The following SH3KBP1 variants were observed in gnomAD, a reference collection of about 807,000 sequenced individuals.
SH3KBP1 encodes the protein SH3 domain containing kinase binding protein 1.
A neutral mutation model predicts 50.1 loss-of-function variants in SH3KBP1; 8 were observed. The ratio of observed to expected loss-of-function variants is 0.16; its 90% CI spans 0.09 to 0.29. The LOEUF (loss-of-function observed/expected upper bound fraction) is 0.29. SH3KBP1 is among the 10% of genes least tolerant of loss of function. SH3KBP1 has a pLI of 1.00. For synonymous variants in SH3KBP1, 227 were observed against 218.6 expected (o/e 1.04, Z -0.34); for missense variants, 377 against 535.2 (o/e 0.70, Z 2.92).
intron 1 of SH3KBP1, among the ~76,000 whole-genome samples, chrX:19,864,481 C>CG (rs1161254929): frequency 8.9e-6 from 1 of 111,749 alleles, no homozygotes; most frequent in Non-Finnish European, 1.9e-5. Flanking sequence ...AAAAAGAGAG[C>CG]GGGGGCACAG....
Position 19,706,890 on chromosome X carries a change from C to A in SH3KBP1, c.381G>T (p.Val127=), listed in dbSNP as rs762388170. ...CGGCCAGGTCGCTTACCTCTCCTAC[C>A]ACCTCTATGATGTCGCCAACTTTCA... ...LELKVGDIIE[V]VGEVEEGWWE... The change falls in exon 4 of 18, where the codon GTG becomes GTT. Residue 127 remains valine, a synonymous_variant. Coordinates refer to ENST00000397821, the MANE Select transcript of SH3KBP1 (RefSeq NM_031892.3). 2.5e-6 allele frequency: 3 copies of A among 1,209,286 alleles called. No individual in the cohort carries two copies. The African/African-American group carries it at 5.2e-5, about 21-fold the overall frequency.
intron 12 of SH3KBP1, among the ~76,000 whole-genome samples, chrX:19,584,137 A>AATATATATTTATATATAATATATTT (rs1207986410): frequency 2.8e-4 from 26 of 94,339 alleles, no homozygotes; most frequent in South Asian, 8.4e-4. Context: ...CCATATTAAT[A>AATATATATTTATATATAATATATTT]ATATATATTT....
intron 9 of SH3KBP1, among the ~76,000 whole-genome samples, chrX:19,607,454 C>T (rs745844895): frequency 8.9e-6 from 1 of 112,316 alleles, no homozygotes; most frequent in Admixed American, 9.4e-5. Context: ...TGTGTATATA[C>T]TAATATACGG....
At chrX:19,769,147 C>A (rs2065709230) in intron 2 of SH3KBP1, among the ~76,000 whole-genome samples, 1 of 102,264 alleles carries the variant, frequency 9.8e-6, no homozygotes, top group Non-Finnish European at 2.0e-5. Flanking sequence ...AGCAGTGGCT[C>A]GATCTCAGCT....
intron 12 of SH3KBP1, among the ~76,000 whole-genome samples, chrX:19,584,299 ATT>A (rs1445019720): frequency 1.4e-4 from 13 of 92,364 alleles, no homozygotes; most frequent in African/African-American, 5.8e-4. Context: ...TTATATTTAT[ATT>A]TATAAATATG....
At chrX:19,884,916 T>C (rs2069546305) in intron 1 of SH3KBP1, among the ~76,000 whole-genome samples, 1 of 112,068 alleles carries the variant, frequency 8.9e-6, no homozygotes, top group Non-Finnish European at 1.9e-5. Context: ...TTGGTTCTTT[T>C]CTGTTATTTT....
chrX:19,549,963 G>C lies in SH3KBP1; in HGVS notation c.1494+11C>G. On this transcript the variant is annotated intron_variant, in intron 14 of 17. Coordinates refer to ENST00000397821, the MANE Select transcript of SH3KBP1 (RefSeq NM_031892.3). ...GAAGTAAGGGAACATACAGTTTGAG[G>C]AGACACTTACAGATGTGAGGGACTG... 1 of 1,125,356 alleles carries C rather than the reference G, an allele frequency of 8.9e-7. No homozygotes were observed. The highest frequency in any genetic ancestry group is 1.2e-6 in the Non-Finnish European group (1 of 819,321). The allele number at this position is 1,125,356 out of a possible 1,213,427, so 92.7% of individuals were successfully genotyped here.
chrX:19,544,359 G>A (rs1449092265), intron 15 of SH3KBP1, among the ~76,000 whole-genome samples: 3 of 110,255 alleles, frequency 2.7e-5, no homozygotes, highest in African/African-American at 6.6e-5. Context: ...GTTGGCACAA[G>A]CATTTTACCA....
intron 10 of SH3KBP1, 63 bp from the exon 11 acceptor site, chrX:19,592,210 A>G: frequency 1.1e-6 from 1 of 931,708 alleles, no homozygotes; most frequent in Non-Finnish European, 1.5e-6. Flanking sequence ...TACACCCACC[A>G]GCATTTAAAT....
At chrX:19,547,552 A>T (rs2065122240) in intron 14 of SH3KBP1, among the ~76,000 whole-genome samples, 2 of 112,379 alleles carry the variant, frequency 1.8e-5, no homozygotes, top group Non-Finnish European at 3.8e-5. Context: ...ATTACCTAGA[A>T]TAACGTTTCC....
chrX:19,621,241 A>ATTTTTTTTT (rs35328957), intron 8 of SH3KBP1, among the ~76,000 whole-genome samples: 2 of 64,582 alleles, frequency 3.1e-5, no homozygotes, highest in Non-Finnish European at 5.7e-5. Flanking sequence ...CACCTGGCTA[A>ATTTTTTTTT]TTTTTTTTTT....
At chrX:19,543,998 C>T (rs1040648899) in intron 15 of SH3KBP1, among the ~76,000 whole-genome samples, 4 of 110,592 alleles carry the variant, frequency 3.6e-5, no homozygotes, top group Non-Finnish European at 5.7e-5. Context: ...CTTGGCAACG[C>T]GGCCGTGAGG....
chrX:19,748,118 G>C (rs1223064085), intron 2 of SH3KBP1, among the ~76,000 whole-genome samples: 2 of 112,208 alleles, frequency 1.8e-5, no homozygotes, highest in Admixed American at 1.9e-4. Flanking sequence ...GGGAAGAACA[G>C]TTGCTCAAAC....
chrX:19,774,660 AAGAAAGAAAGAAAGAAAGAAAGAAAG>A (rs2065910885), intron 2 of SH3KBP1, among the ~76,000 whole-genome samples: 14 of 66,450 alleles, frequency 2.1e-4, no homozygotes, highest in East Asian at 1.2e-3. Flanking sequence ...AAAAAAAAGA[AAGAAAGAAAGAAAGAAAGAAAGAAAG>A]AAAGAAAGAA....
At chrX:19,654,084 T>C (rs1337380386) in intron 6 of SH3KBP1, among the ~76,000 whole-genome samples, 1 of 111,634 alleles carries the variant, frequency 9.0e-6, no homozygotes, top group Non-Finnish European at 1.9e-5. Flanking sequence ...ATGAAGTCTG[T>C]TTTATATTTG....
At chrX:19,718,912 C>T (rs935197839) in intron 3 of SH3KBP1, among the ~76,000 whole-genome samples, 2 of 110,959 alleles carry the variant, frequency 1.8e-5, no homozygotes, top group Non-Finnish European at 3.8e-5. Flanking sequence ...AGGTTATCTT[C>T]CCTGGCCAGA....
intron 13 of SH3KBP1, among the ~76,000 whole-genome samples, chrX:19,563,947 T>C (rs2065760257): frequency 9.0e-6 from 1 of 111,141 alleles, no homozygotes; most frequent in South Asian, 3.9e-4. Flanking sequence ...CAGCCAGTAG[T>C]CAATCTGGAA....
At position 19,535,075 on chromosome X, in the gene SH3KBP1, C is replaced by T; in HGVS notation, c.*1342G>A. ...GGGGCCATTAAGGGACCACCCCCTC[C>T]ACCCCTACCCCTGAACAGTCTCGCA... On this transcript the variant is annotated 3_prime_UTR_variant, in exon 18 of 18. Coordinates refer to ENST00000397821, the MANE Select transcript of SH3KBP1 (RefSeq NM_031892.3). The T allele has an allele frequency of 3.4e-6, 1 of 297,417 alleles. No individual in the cohort carries two copies. The highest frequency in any genetic ancestry group is 5.9e-6 in the Non-Finnish European group (1 of 170,258). 24.5% of individuals were successfully genotyped at this position (297,417 alleles called of 1,213,427 possible). A position where few individuals can be genotyped will look rare whatever the true frequency, so the allele number is the denominator to read the frequency against.
rs191805649 is a variant in SH3KBP1, at chrX:19,819,081, T to G, written c.162+17044A>C. 6.6e-3 allele frequency among the ~76,000 whole-genome samples: 737 copies of G among 112,216 alleles called. 2 individuals are homozygous for G. Among genetic ancestry groups the G allele is most frequent in the African/African-American group, 0.012 (359 of 30,925 alleles). On this transcript the variant is annotated intron_variant, in intron 2 of 17. Transcript: ENST00000397821. ...GAAGCTTTTACATGACAAATTCAAT[T>G]TCTTTAACAGTTAGTTATAGGACTA...
Sources: allele counts gnomAD v4.1 joint callset (sites outside exome capture counted in the v4.1 genomes callset), GRCh38; gene constraint gnomAD v4.1.1; transcripts MANE v1.5; gene names NCBI Gene and HGNC (gene_info 2026-07-23, HGNC 2026-07-21).